Variants in CNTNAP2 observed in about 807,000 individuals in gnomAD.
CNTNAP2 encodes the protein contactin-associated protein-like 2.
In CNTNAP2, 98 loss-of-function variants were observed where a neutral mutation model predicts 155.2. The ratio of observed to expected loss-of-function variants is 0.63; its 90% CI spans 0.54 to 0.75. The LOEUF is 0.75. Ranked by LOEUF, CNTNAP2 falls within the 30% of genes least tolerant of loss-of-function variation. The pLI is 0.00. For missense variants in CNTNAP2, 1,727 were observed against 1,688.1 expected, an observed-to-expected ratio of 1.02 and a Z score of -0.40; for synonymous variants, 651 against 631.2, an observed-to-expected ratio of 1.03 and a Z score of -0.47.
intron 20 of CNTNAP2, among the ~76,000 whole-genome samples, chr7:148,263,747 A>AAAAAG (rs1796618062): frequency 6.6e-6 from 1 of 151,880 alleles, no homozygotes; most frequent in South Asian, 2.1e-4. Flanking sequence ...AAAAAAAAAA[A>AAAAAG]AAAGAAAGAA....
rs1803686011 is a variant in CNTNAP2 at position 146,839,871 on chromosome 7, C to A, written c.369C>A (p.Asn123Lys). 2 of 1,614,012 alleles carry A rather than the reference C, an allele frequency of 1.2e-6. No individual in the cohort carries two copies. The highest frequency in any genetic ancestry group is 2.2e-5 in the South Asian group (2 of 91,084). ...TGCTCTACAGCGACACAGGGAGAAA[C>A]TGGAAACCCTATCATCAAGATGGGA... is the stretch of plus-strand genomic sequence containing the variant. ...YRMLYSDTGR[N>K]WKPYHQDGNI... The change falls in exon 3 of 24, where the codon AAC becomes AAA. Residue 123 changes from asparagine to lysine, a missense_variant. Transcript: ENST00000361727.
rs1225792910 is a variant in CNTNAP2 at position 146,220,812 on chromosome 7, G to A, written c.97+103839G>A. Among the ~76,000 whole-genome samples, 4 of 152,178 alleles carry A rather than the reference G, an allele frequency of 2.6e-5. No homozygotes were observed. The East Asian group carries it at 7.7e-4, about 29-fold the overall frequency. ...GGGATTTGGAATTATTGGAAACCTA[G>A]TAGATCCATCTTCTTGCAGACCTAG... On this transcript the variant is annotated intron_variant, in intron 1 of 23. Coordinates refer to ENST00000361727, the MANE Select transcript of CNTNAP2 (RefSeq NM_014141.6).
At chr7:148,350,306 G>A (rs1798405617) in intron 21 of CNTNAP2, among the ~76,000 whole-genome samples, 1 of 152,120 alleles carries the variant, frequency 6.6e-6, no homozygotes. Flanking sequence ...GCAAATACAG[G>A]GCAGGCAAGG....
chr7:148,187,130 ACACACACACACACACAC>A (rs1795128558), intron 18 of CNTNAP2, among the ~76,000 whole-genome samples: 2 of 151,050 alleles, frequency 1.3e-5, no homozygotes, highest in Non-Finnish European at 2.9e-5. Flanking sequence ...ACACACACAC[ACACACACACACACACAC>A]AAACAGAGCC....
intron 17 of CNTNAP2, among the ~76,000 whole-genome samples, chr7:148,155,970 G>A (rs1179958094): frequency 2.6e-5 from 4 of 152,170 alleles, no homozygotes; most frequent in South Asian, 2.1e-4. Flanking sequence ...CAGGCCCCAC[G>A]TGCAATACCG....
intron 13 of CNTNAP2, among the ~76,000 whole-genome samples, chr7:147,717,130 A>G (rs1301945376): frequency 6.6e-6 from 1 of 152,074 alleles, no homozygotes; most frequent in Non-Finnish European, 1.5e-5. Flanking sequence ...AAAAAAGGAG[A>G]GTCAATCACC....
chr7:148,236,730 T>G (rs1028051055), intron 20 of CNTNAP2, among the ~76,000 whole-genome samples: 2 of 152,236 alleles, frequency 1.3e-5, no homozygotes, highest in African/African-American at 4.8e-5. Flanking sequence ...CTGCAGGCTG[T>G]ACAAGACGCA....
intron 13 of CNTNAP2, among the ~76,000 whole-genome samples, chr7:147,777,259 C>T (rs1200304065): frequency 1.3e-5 from 2 of 152,060 alleles, no homozygotes; most frequent in African/African-American, 4.8e-5. Context: ...TCTTTAAGGA[C>T]AGCATATTAT....
At chr7:147,890,581 G>A (rs894802925) in intron 13 of CNTNAP2, among the ~76,000 whole-genome samples, 1 of 152,176 alleles carries the variant, frequency 6.6e-6, no homozygotes. Context: ...CCCAGATGTG[G>A]AATCAACCCA....
chr7:146,186,540 A>C (rs1031442970), intron 1 of CNTNAP2, among the ~76,000 whole-genome samples: 1 of 152,190 alleles, frequency 6.6e-6, no homozygotes, highest in Non-Finnish European at 1.5e-5. Context: ...CCAGTTTCAT[A>C]TCATAATTAA....
intron 1 of CNTNAP2, among the ~76,000 whole-genome samples, chr7:146,772,430 G>T (rs1164698181): frequency 1.3e-5 from 2 of 150,010 alleles, no homozygotes; most frequent in African/African-American, 2.5e-5. Context: ...AGGCCGAGGC[G>T]AGCAGATCAC....
At chr7:147,462,711 G>A (rs1023945957) in intron 10 of CNTNAP2, among the ~76,000 whole-genome samples, 4 of 152,180 alleles carry the variant, frequency 2.6e-5, no homozygotes, top group Non-Finnish European at 4.4e-5. Flanking sequence ...TTTCTATAAA[G>A]TCTTGCTTAG....
chr7:147,405,534 C>T (rs1185612711), intron 10 of CNTNAP2, among the ~76,000 whole-genome samples: 2 of 152,182 alleles, frequency 1.3e-5, no homozygotes, highest in African/African-American at 4.8e-5. Context: ...TTGCTATATG[C>T]TCCCTAACAT....
intron 1 of CNTNAP2, among the ~76,000 whole-genome samples, chr7:146,215,876 C>G (rs577149901): frequency 1.6e-4 from 24 of 152,192 alleles, no homozygotes; most frequent in African/African-American, 5.3e-4. Context: ...TTTTACCTTC[C>G]CATTTGGGTA....
chr7:147,388,894 C>G (rs765297786), intron 9 of CNTNAP2, among the ~76,000 whole-genome samples: 3 of 152,108 alleles, frequency 2.0e-5, no homozygotes, highest in East Asian at 1.9e-4. Context: ...TATGTGTACC[C>G]TCTTTCTTTG....
chr7:147,204,510 T>A (rs557720235), intron 8 of CNTNAP2, among the ~76,000 whole-genome samples: 1 of 152,244 alleles, frequency 6.6e-6, no homozygotes, highest in South Asian at 2.1e-4. Context: ...AACACCATGC[T>A]ATATGAAACA....
chr7:146,216,615 C>T (rs1799117745), intron 1 of CNTNAP2, among the ~76,000 whole-genome samples: 1 of 152,170 alleles, frequency 6.6e-6, no homozygotes, highest in African/African-American at 2.4e-5. Flanking sequence ...CTGGCAGACT[C>T]ACTCTTCTCC....
At chr7:146,399,332 C>T (rs183438350) in intron 1 of CNTNAP2, among the ~76,000 whole-genome samples, 1 of 152,244 alleles carries the variant, frequency 6.6e-6, no homozygotes, top group Non-Finnish European at 1.5e-5. Context: ...AACCTTGTCC[C>T]TTCCCTCCAG....
At chr7:148,077,379 C>CT (rs1368563809) in intron 15 of CNTNAP2, among the ~76,000 whole-genome samples, 1 of 151,908 alleles carries the variant, frequency 6.6e-6, no homozygotes, top group Non-Finnish European at 1.5e-5. Flanking sequence ...ACATCTGCTT[C>CT]TACATGTGTT....
Sources: allele counts gnomAD v4.1 joint callset (sites outside exome capture counted in the v4.1 genomes callset), GRCh38; gene constraint gnomAD v4.1.1; transcripts MANE v1.5; gene names NCBI Gene and HGNC (gene_info 2026-07-23, HGNC 2026-07-21).